The following RABGAP1L variants were observed in gnomAD, a reference collection of about 807,000 sequenced individuals.
RABGAP1L encodes the protein RAB GTPase activating protein 1 like.
A neutral mutation model predicts 137.7 loss-of-function variants in RABGAP1L; 63 were observed. That is an observed-to-expected ratio of 0.46 (90% CI 0.37 to 0.56). The LOEUF is 0.56. RABGAP1L is among the 20% of genes least tolerant of loss of function. The probability of loss-of-function intolerance (pLI) is 0.00; values close to 1 mark genes in which losing one functional copy is unlikely to be tolerated. For missense variants in RABGAP1L, 1,095 were observed against 1,244.0 expected, an observed-to-expected ratio of 0.88 and a Z score of 1.80; for synonymous variants, 431 against 433.7, an observed-to-expected ratio of 0.99 and a Z score of 0.08.
intron 13 of RABGAP1L, among the ~76,000 whole-genome samples, chr1:174,580,533 A>G (rs957811802): frequency 6.6e-6 from 1 of 152,186 alleles, no homozygotes; most frequent in African/African-American, 2.4e-5. Flanking sequence ...TCACAAGGAC[A>G]AAATCTAAAC....
chr1:174,368,491 C>T (rs1684836321), intron 11 of RABGAP1L, among the ~76,000 whole-genome samples: 1 of 152,148 alleles, frequency 6.6e-6, no homozygotes, highest in Non-Finnish European at 1.5e-5. Context: ...TACTCTCTGT[C>T]AATGTAATTG....
chr1:174,329,129 A>G (rs1680804029), intron 11 of RABGAP1L, among the ~76,000 whole-genome samples: 2 of 152,044 alleles, frequency 1.3e-5, no homozygotes, highest in African/African-American at 2.4e-5. Flanking sequence ...AAGAGACTAA[A>G]TAAAATTAGA....
chr1:174,363,433 T>C (rs192238993), intron 11 of RABGAP1L, among the ~76,000 whole-genome samples: 27 of 152,346 alleles, frequency 1.8e-4, no homozygotes, highest in Admixed American at 7.8e-4. Context: ...ATGTTTTTCA[T>C]TTGTTTTTTC....
intron 13 of RABGAP1L, among the ~76,000 whole-genome samples, chr1:174,433,893 G>C (rs1329193640): frequency 6.6e-6 from 1 of 152,058 alleles, no homozygotes; most frequent in African/African-American, 2.4e-5. Flanking sequence ...TCGAACACTT[G>C]ATTACATGCA....
intron 14 of RABGAP1L, among the ~76,000 whole-genome samples, chr1:174,638,392 A>G (rs945969355): frequency 6.6e-6 from 1 of 152,182 alleles, no homozygotes; most frequent in Non-Finnish European, 1.5e-5. Flanking sequence ...CTTCTCCAGC[A>G]TTTAAGAGGA....
intron 21 of RABGAP1L, among the ~76,000 whole-genome samples, chr1:174,970,381 A>C (rs1670031196): frequency 6.6e-6 from 1 of 152,198 alleles, no homozygotes. Context: ...GCCATTTTGA[A>C]TCTTTTATCC....
At chr1:174,456,785 C>T (rs1656083399) in intron 13 of RABGAP1L, among the ~76,000 whole-genome samples, 1 of 152,094 alleles carries the variant, frequency 6.6e-6, no homozygotes. Flanking sequence ...ATGAGTTCCA[C>T]TGAGTTATTT....
At chr1:174,635,975 C>T (rs1378622275) in intron 13 of RABGAP1L, among the ~76,000 whole-genome samples, 3 of 152,108 alleles carry the variant, frequency 2.0e-5, no homozygotes, top group Non-Finnish European at 4.4e-5. Context: ...AAAGTTTCTT[C>T]AAATCTTTAT....
At chr1:174,275,494 C>T (rs751657407) in intron 8 of RABGAP1L, among the ~76,000 whole-genome samples, 5 of 152,056 alleles carry the variant, frequency 3.3e-5, no homozygotes, top group Non-Finnish European at 7.4e-5. Context: ...CATATACATT[C>T]TTATGTGTAT....
chr1:174,174,056 A>C (rs909565706), intron 1 of RABGAP1L, among the ~76,000 whole-genome samples: 4 of 152,176 alleles, frequency 2.6e-5, no homozygotes, highest in Non-Finnish European at 5.9e-5. Context: ...TTTTTACTTT[A>C]TATATGATAC....
intron 17 of RABGAP1L, among the ~76,000 whole-genome samples, chr1:174,726,946 G>GT (rs1332195591): frequency 1.3e-5 from 2 of 152,024 alleles, no homozygotes; most frequent in Non-Finnish European, 2.9e-5. Flanking sequence ...TCTTAATTTT[G>GT]TTTTTGCTCA....
At chr1:174,927,220 G>A (rs768117760) in intron 19 of RABGAP1L, among the ~76,000 whole-genome samples, 2 of 152,078 alleles carry the variant, frequency 1.3e-5, no homozygotes, top group Non-Finnish European at 2.9e-5. Flanking sequence ...ATAGTTAATA[G>A]TCTATTCTAT....
At chr1:174,220,922 C>T in intron 2 of RABGAP1L, 50 bp from the exon 3 acceptor site, 2 of 1,396,728 alleles carry the variant, frequency 1.4e-6, no homozygotes, top group South Asian at 3.6e-5. Context: ...TAAAATTTAG[C>T]TTCAGAACTA....
intron 3 of RABGAP1L, among the ~76,000 whole-genome samples, chr1:174,225,494 C>CTTTTTTTTTTTTTT (rs59323156): frequency 1.0e-4 from 11 of 105,704 alleles, no homozygotes; most frequent in African/African-American, 3.8e-4. Flanking sequence ...AGAATGTTGA[C>CTTTTTTTTTTTTTT]TTTTTTTTTT....
chr1:174,912,843 C>T (rs1660267025), intron 19 of RABGAP1L, among the ~76,000 whole-genome samples: 1 of 152,160 alleles, frequency 6.6e-6, no homozygotes, highest in South Asian at 2.1e-4. Context: ...TTAAGCAGCA[C>T]CAGTAACCAG....
chr1:174,271,884 T>C (rs555245620), intron 7 of RABGAP1L, among the ~76,000 whole-genome samples: 2 of 152,126 alleles, frequency 1.3e-5, no homozygotes, highest in South Asian at 4.1e-4. Context: ...ATAACTTTTT[T>C]TTTTTAAAAC....
chr1:174,885,694 G>A (rs1326941967), intron 19 of RABGAP1L, among the ~76,000 whole-genome samples: 3 of 152,014 alleles, frequency 2.0e-5, no homozygotes, highest in East Asian at 2.0e-4. Flanking sequence ...AAGACCAGGC[G>A]TAGTTGCTCA....
At chr1:174,202,863 T>C (rs1668228146) in intron 1 of RABGAP1L, among the ~76,000 whole-genome samples, 1 of 152,244 alleles carries the variant, frequency 6.6e-6, no homozygotes, top group Non-Finnish European at 1.5e-5. Flanking sequence ...TTCAGCTTTC[T>C]ACATATGGCT....
chr1:174,573,174 G>T (rs11805578), intron 13 of RABGAP1L, among the ~76,000 whole-genome samples: 31,728 of 151,134 alleles, frequency 0.21, 3,675 homozygotes, highest in Admixed American at 0.25. Flanking sequence ...TGGCTTTAGT[G>T]TGTATATACA....
Sources: gnomAD v4.1 joint callset for allele counts (sites outside exome capture counted in the v4.1 genomes callset) on GRCh38, gnomAD v4.1.1 for gene constraint, MANE v1.5 for transcripts, NCBI Gene and HGNC (gene_info 2026-07-23, HGNC 2026-07-21) for gene names.